The following KCNH1 variants were observed in gnomAD, a reference collection of about 807,000 sequenced individuals.
KCNH1 encodes the protein voltage-gated delayed rectifier potassium channel KCNH1.
Under a neutral mutation model 69.2 loss-of-function variants are expected in KCNH1, and 27 were observed. The observed-to-expected ratio is 0.39, with a 90% confidence interval of 0.29 to 0.54. The LOEUF (loss-of-function observed/expected upper bound fraction) is 0.54. Ranked by LOEUF, KCNH1 falls within the 20% of genes least tolerant of loss-of-function variation. KCNH1 has a pLI of 0.68. For synonymous variants in KCNH1, 456 were observed against 487.7 expected (o/e 0.93, Z 0.86); for missense variants, 798 against 1,261.6 (o/e 0.63, Z 5.57).
At chr1:210,778,121 G>T (rs915639851) in intron 9 of KCNH1, among the ~76,000 whole-genome samples, 1 of 152,180 alleles carries the variant, frequency 6.6e-6, no homozygotes, top group African/African-American at 2.4e-5. Context: ...TAGTTGTCCT[G>T]CTCAGTCCAG....
At chr1:211,131,611 C>T (rs1180463168) in intron 1 of KCNH1, among the ~76,000 whole-genome samples, 2 of 152,090 alleles carry the variant, frequency 1.3e-5, no homozygotes, top group African/African-American at 2.4e-5. Context: ...ATGAGACAAT[C>T]AATATCTTTA....
rs533722706 is a variant in KCNH1 at position 210,791,546 on chromosome 1, A to G, written c.1915+5962T>C. 9.6e-4 allele frequency among the ~76,000 whole-genome samples: 146 copies of G among 152,280 alleles called. 2 individuals are homozygous for G. Among genetic ancestry groups the G allele is most frequent in the Non-Finnish European group, 1.5e-4 (10 of 68,034 alleles). On this transcript the variant is annotated intron_variant, in intron 9 of 10. Transcript: ENST00000271751. ...TCTAATACCTCTGGAGGCCCGTGCT[A>G]TACTTTCCACTTTCAGACTCAGACT...
intron 5 of KCNH1, among the ~76,000 whole-genome samples, chr1:211,022,462 A>C (rs1187238653): frequency 6.6e-6 from 1 of 152,208 alleles, no homozygotes; most frequent in Non-Finnish European, 1.5e-5. Flanking sequence ...ACCAAGGCAA[A>C]AATAGCCAAA....
intron 6 of KCNH1, among the ~76,000 whole-genome samples, chr1:210,933,058 T>G (rs1389035054): frequency 1.3e-5 from 2 of 152,188 alleles, no homozygotes; most frequent in African/African-American, 4.8e-5. Flanking sequence ...GAATACATAT[T>G]TCTGTTATCA....
rs186965120 is a variant in KCNH1, at chr1:210,865,129, A to C, written c.1462+54511T>G. ...ATCAAAGGCAAATTTTTAGAAGAAC[A>C]TGTGGAATGGAAGGTAATGTTAAAG... On this transcript the variant is annotated intron_variant, in intron 7 of 10. Transcript: ENST00000271751. Among the ~76,000 whole-genome samples, 40 of 152,342 alleles carry C rather than the reference A, an allele frequency of 2.6e-4. No individual in the cohort carries two copies. The East Asian group carries it at 5.8e-3, about 22-fold the overall frequency.
At chr1:211,098,375 C>G (rs1691197828) in intron 3 of KCNH1, among the ~76,000 whole-genome samples, 1 of 150,808 alleles carries the variant, frequency 6.6e-6, no homozygotes. Context: ...AAACATTAGG[C>G]AAGTAACAAT....
intron 10 of KCNH1, among the ~76,000 whole-genome samples, chr1:210,692,162 C>T (rs1010855524): frequency 1.1e-4 from 17 of 152,182 alleles, no homozygotes; most frequent in Non-Finnish European, 1.8e-4. Flanking sequence ...TCAGTGACAT[C>T]CCATCATCTT....
intron 6 of KCNH1, among the ~76,000 whole-genome samples, chr1:210,938,683 A>G (rs539091388): frequency 1.3e-5 from 2 of 152,314 alleles, no homozygotes; most frequent in Admixed American, 6.5e-5. Flanking sequence ...TATCTCAAAC[A>G]CTGTCACACT....
At chr1:211,116,243 GAAT>G (rs1221544254) in intron 1 of KCNH1, among the ~76,000 whole-genome samples, 1 of 152,162 alleles carries the variant, frequency 6.6e-6, no homozygotes, top group African/African-American at 2.4e-5. Context: ...GAAACACTGA[GAAT>G]AATGTTAGAC....
At chr1:210,880,247 T>C (rs11119625) in intron 7 of KCNH1, among the ~76,000 whole-genome samples, 36,914 of 152,016 alleles carry the variant, frequency 0.24, 4,741 homozygotes, top group African/African-American at 0.34. Flanking sequence ...GATTCTAAAG[T>C]TTATATGGAG....
chr1:210,958,255 G>A (rs1451084761), intron 6 of KCNH1, among the ~76,000 whole-genome samples: 1 of 152,218 alleles, frequency 6.6e-6, no homozygotes, highest in South Asian at 2.1e-4. Flanking sequence ...CTTCTGGCTT[G>A]TAGGGTTTCT....
At chr1:211,040,278 G>C (rs1201297878) in intron 5 of KCNH1, among the ~76,000 whole-genome samples, 1 of 152,054 alleles carries the variant, frequency 6.6e-6, no homozygotes, top group Admixed American at 6.6e-5. Flanking sequence ...GAGCGGCCAG[G>C]AGCAGAATGA....
chr1:210,924,013 A>G (rs1270719291), intron 6 of KCNH1, among the ~76,000 whole-genome samples: 1 of 152,226 alleles, frequency 6.6e-6, no homozygotes, highest in Non-Finnish European at 1.5e-5. Context: ...ACAGATGGAA[A>G]ATATTATGTA....
At chr1:210,875,350 A>G (rs1686346993) in intron 7 of KCNH1, among the ~76,000 whole-genome samples, 1 of 152,212 alleles carries the variant, frequency 6.6e-6, no homozygotes, top group African/African-American at 2.4e-5. Context: ...ATACAGTAGG[A>G]ATGAAGAGTC....
chr1:210,870,674 A>G (rs776013564), intron 7 of KCNH1, among the ~76,000 whole-genome samples: 1 of 152,160 alleles, frequency 6.6e-6, no homozygotes, highest in Non-Finnish European at 1.5e-5. Flanking sequence ...GCTTCTTAGT[A>G]TCTGTTGTCA....
At chr1:210,921,694 G>A (rs1323884756) in intron 6 of KCNH1, among the ~76,000 whole-genome samples, 4 of 152,160 alleles carry the variant, frequency 2.6e-5, no homozygotes, top group Non-Finnish European at 5.9e-5. Flanking sequence ...AATAATAAGT[G>A]TGTTTTCTCT....
At chr1:210,826,352 C>T (rs1395753694) in intron 7 of KCNH1, among the ~76,000 whole-genome samples, 5 of 152,150 alleles carry the variant, frequency 3.3e-5, no homozygotes, top group Non-Finnish European at 7.4e-5. Context: ...TCCTGGTTCT[C>T]TCCCATCCCC....
Position 210,883,133 on chromosome 1 carries a change from A to T in KCNH1, c.1462+36507T>A, listed in dbSNP as rs558471440. Reference sequence around the variant, plus strand: ...TGCTAGGTATGATGGTGGGGGAGGGAGCATTTAGAAAAACTTCCAATCCAG... The same window carrying T: ...TGCTAGGTATGATGGTGGGGGAGGGTGCATTTAGAAAAACTTCCAATCCAG... On this transcript the variant is annotated intron_variant, in intron 7 of 10. Coordinates refer to ENST00000271751, the MANE Select transcript of KCNH1 (RefSeq NM_172362.3). Among the ~76,000 whole-genome samples, 15 of 152,174 alleles carry T rather than the reference A, an allele frequency of 9.9e-5. No individual in the cohort carries two copies. In the South Asian group the frequency reaches 2.9e-3, roughly 29 times the overall value.
At chr1:210,917,774 A>T (rs978699196) in intron 7 of KCNH1, among the ~76,000 whole-genome samples, 1 of 152,348 alleles carries the variant, frequency 6.6e-6, no homozygotes, top group Middle Eastern at 3.4e-3. Flanking sequence ...GGGTGCCCCA[A>T]GGCTCACAAA....
Sources: allele counts gnomAD v4.1 joint callset (sites outside exome capture counted in the v4.1 genomes callset), GRCh38; gene constraint gnomAD v4.1.1; transcripts MANE v1.5; gene names NCBI Gene and HGNC (gene_info 2026-07-23, HGNC 2026-07-21).